MBD5: variants seen among roughly 807,000 people sequenced by gnomAD.
MBD5 encodes the protein methyl-CpG binding domain protein 5, also known as methyl-CpG-binding domain protein 5.
A neutral mutation model predicts 117.3 loss-of-function variants in MBD5; 13 were observed. The observed-to-expected ratio is 0.11, with a 90% confidence interval of 0.07 to 0.18. The LOEUF (loss-of-function observed/expected upper bound fraction) is 0.18, where lower values mean the gene tolerates loss of function less well. Among genes scored for constraint, MBD5 ranks in the 10% least tolerant of loss-of-function variants. The pLI, the probability that MBD5 is intolerant of heterozygous loss-of-function variation, is 1.00. For missense variants in MBD5, 1,879 were observed against 2,093.8 expected, an observed-to-expected ratio of 0.90 and a Z score of 2.00; for synonymous variants, 727 against 766.4, an observed-to-expected ratio of 0.95 and a Z score of 0.85.
chr2:148,041,659 C>T (rs1254997430), intron 1 of MBD5, among the ~76,000 whole-genome samples: 2 of 152,142 alleles, frequency 1.3e-5, no homozygotes, highest in Non-Finnish European at 2.9e-5. Flanking sequence ...TATGCATACT[C>T]ATGTACATCA....
intron 4 of MBD5, among the ~76,000 whole-genome samples, chr2:148,436,665 C>T (rs544467320): frequency 6.6e-6 from 1 of 152,306 alleles, no homozygotes; most frequent in Non-Finnish European, 1.5e-5. Flanking sequence ...AGCCACCACG[C>T]TTGGCCCTTG....
At chr2:148,291,607 T>G (rs938687695) in intron 3 of MBD5, among the ~76,000 whole-genome samples, 3 of 152,204 alleles carry the variant, frequency 2.0e-5, no homozygotes, top group African/African-American at 7.2e-5. Context: ...TTGCTGAACT[T>G]GTTAATTTTT....
In MBD5 at chr2:148,296,192, A is replaced by G. The variant is rs549237079; in HGVS notation, c.-679-46022A>G. On this transcript the variant is annotated intron_variant, in intron 3 of 13. Coordinates refer to ENST00000642680, the MANE Select transcript of MBD5 (RefSeq NM_001378120.1). ...TGTGCTGTTGTTATTTTCATTATCA[A>G]TATTACCATTTGGTAAGTGACCATT... 5.1e-5 allele frequency: 10 copies of G among 197,510 alleles called. 1 individual carries two copies. The East Asian group carries it at 8.4e-4, about 17-fold the overall frequency. 12.2% of individuals were successfully genotyped at this position (197,510 alleles called of 1,614,324 possible).
At chr2:148,505,349 G>A (rs1681999571) in intron 12 of MBD5, among the ~76,000 whole-genome samples, 1 of 152,140 alleles carries the variant, frequency 6.6e-6, no homozygotes, top group South Asian at 2.1e-4. Context: ...ACAAATGACT[G>A]CAGTCACACA....
intron 3 of MBD5, among the ~76,000 whole-genome samples, chr2:148,240,229 G>GTGTT (rs1700184607): frequency 6.6e-6 from 1 of 152,080 alleles, no homozygotes; most frequent in Non-Finnish European, 1.5e-5. Context: ...AGAACGCTTG[G>GTGTT]ACACAGGGTG....
intron 4 of MBD5, among the ~76,000 whole-genome samples, chr2:148,417,288 C>CT (rs745409695): frequency 0.24 from 21,978 of 91,816 alleles, 2,825 homozygotes; most frequent in East Asian, 0.33. Context: ...ATGCACAGCT[C>CT]TTTTTTTTTT....
chr2:148,324,437 A>AT (rs1397549166), intron 3 of MBD5, among the ~76,000 whole-genome samples: 1 of 152,150 alleles, frequency 6.6e-6, no homozygotes, highest in African/African-American at 2.4e-5. Flanking sequence ...CAGTATGGCC[A>AT]TTTTCACAAT....
chr2:148,234,224 C>T (rs915972846), intron 3 of MBD5, among the ~76,000 whole-genome samples: 2 of 151,996 alleles, frequency 1.3e-5, no homozygotes, highest in Non-Finnish European at 2.9e-5. Context: ...GAAATGTAAT[C>T]TTTCAAGGGA....
At chr2:148,444,472 A>G (rs1706428951) in intron 4 of MBD5, among the ~76,000 whole-genome samples, 1 of 151,298 alleles carries the variant, frequency 6.6e-6, no homozygotes. Context: ...CACTTATCAC[A>G]TCTCAAGGTT....
At chr2:148,388,315 C>T (rs1704443263) in intron 4 of MBD5, among the ~76,000 whole-genome samples, 2 of 151,956 alleles carry the variant, frequency 1.3e-5, no homozygotes, top group South Asian at 4.2e-4. Flanking sequence ...GAGAAGTCTT[C>T]GGTGACTTAT....
At chr2:148,174,852 T>C (rs146010109) in intron 1 of MBD5, among the ~76,000 whole-genome samples, 1 of 152,082 alleles carries the variant, frequency 6.6e-6, no homozygotes, top group Non-Finnish European at 1.5e-5. Context: ...TTGTACACTG[T>C]TGGTGGAAAT....
intron 1 of MBD5, among the ~76,000 whole-genome samples, chr2:148,110,366 A>T (rs1696478409): frequency 6.6e-6 from 1 of 152,160 alleles, no homozygotes; most frequent in South Asian, 2.1e-4. Flanking sequence ...TGTGGTCAGG[A>T]ATGAAAGTTA....
intron 11 of MBD5, among the ~76,000 whole-genome samples, chr2:148,494,888 G>A (rs879630554): frequency 7.2e-5 from 11 of 152,268 alleles, no homozygotes; most frequent in African/African-American, 9.6e-5. Flanking sequence ...CCGTGAACCC[G>A]GGAGGTGGAG....
At chr2:148,143,546 T>C (rs958031320) in intron 1 of MBD5, among the ~76,000 whole-genome samples, 1 of 152,222 alleles carries the variant, frequency 6.6e-6, no homozygotes, top group African/African-American at 2.4e-5. Context: ...TACATACATA[T>C]GTATATGCCA....
intron 3 of MBD5, among the ~76,000 whole-genome samples, chr2:148,248,779 A>AAGAT (rs1324030616): frequency 6.6e-6 from 1 of 152,128 alleles, no homozygotes; most frequent in Non-Finnish European, 1.5e-5. Context: ...ATACTGGTAA[A>AAGAT]AGATAGACAG....
chr2:148,461,747 T>C (rs924603760), intron 5 of MBD5, among the ~76,000 whole-genome samples: 4 of 152,228 alleles, frequency 2.6e-5, no homozygotes, highest in Non-Finnish European at 1.5e-5. Context: ...ACTCCCATTG[T>C]AAATAAAAAT....
At chr2:148,198,588 G>A (rs1352371155) in intron 2 of MBD5, among the ~76,000 whole-genome samples, 3 of 151,876 alleles carry the variant, frequency 2.0e-5, no homozygotes, top group African/African-American at 7.3e-5. Flanking sequence ...TTAGATATAA[G>A]CACTTTGTTT....
chr2:148,137,407 C>A (rs1270961879), intron 1 of MBD5, among the ~76,000 whole-genome samples: 1 of 152,170 alleles, frequency 6.6e-6, no homozygotes, highest in Admixed American at 6.5e-5. Flanking sequence ...ACCTCTGTTC[C>A]TTTTCTGGTT....
chr2:148,060,162 A>AAAAAAG (rs1694990271), intron 1 of MBD5, among the ~76,000 whole-genome samples: 2 of 134,630 alleles, frequency 1.5e-5, no homozygotes, highest in African/African-American at 5.3e-5. Context: ...AAAAAAAAAA[A>AAAAAAG]GCCAGGCATG....
Sources: gnomAD v4.1 joint callset for allele counts (sites outside exome capture counted in the v4.1 genomes callset) on GRCh38, gnomAD v4.1.1 for gene constraint, MANE v1.5 for transcripts, NCBI Gene and HGNC (gene_info 2026-07-23, HGNC 2026-07-21) for gene names.